Variants in MRPS27 observed in about 807,000 individuals in gnomAD.
MRPS27 encodes the protein mitochondrial ribosomal protein S27.
In MRPS27, 43 loss-of-function variants were observed where a neutral mutation model predicts 48.9. The ratio of observed to expected loss-of-function variants is 0.88; its 90% CI spans 0.69 to 1.13. MRPS27 has a LOEUF of 1.13. Among genes scored for constraint, MRPS27 ranks in the 50% most tolerant of loss-of-function variants. The pLI is 0.00. For missense variants in MRPS27, 467 were observed against 476.3 expected (o/e 0.98, Z 0.18); for synonymous variants, 188 against 171.9 (o/e 1.09, Z -0.73).
At chr5:72,316,979 A>G (rs1338121984) in intron 1 of MRPS27, among the ~76,000 whole-genome samples, 2 of 151,132 alleles carry the variant, frequency 1.3e-5, no homozygotes, top group African/African-American at 4.9e-5. Context: ...TGGTGAGCCG[A>G]GATCACGCCA....
At chr5:72,263,529 G>C (rs1749036016) in intron 4 of MRPS27, among the ~76,000 whole-genome samples, 1 of 149,912 alleles carries the variant, frequency 6.7e-6, no homozygotes, top group Non-Finnish European at 1.5e-5. Context: ...TAAAAATCTA[G>C]TATGCAGAAT....
chr5:72,262,331 G>C (rs1351377003), intron 4 of MRPS27, among the ~76,000 whole-genome samples: 1 of 152,078 alleles, frequency 6.6e-6, no homozygotes, highest in Non-Finnish European at 1.5e-5. Context: ...TGCTGCTGCT[G>C]CTATTATTTC....
At chr5:72,225,000 G>A (rs1305117582) in intron 9 of MRPS27, among the ~76,000 whole-genome samples, 1 of 152,144 alleles carries the variant, frequency 6.6e-6, no homozygotes, top group East Asian at 1.9e-4. Flanking sequence ...TGGACACATA[G>A]CACATTCTTG....
chr5:72,265,415 C>T (rs988564281), intron 4 of MRPS27, among the ~76,000 whole-genome samples: 2 of 152,026 alleles, frequency 1.3e-5, no homozygotes, highest in Non-Finnish European at 2.9e-5. Context: ...GCCCAGTTTA[C>T]AAAGGAAATA....
intron 2 of MRPS27, among the ~76,000 whole-genome samples, chr5:72,308,290 G>A (rs537111475): frequency 1.1e-3 from 163 of 152,346 alleles, no homozygotes; most frequent in African/African-American, 3.8e-3. Flanking sequence ...CTCCCCGGCA[G>A]GGCACGGCTC....
chr5:72,293,001 T>C (rs13157948), intron 4 of MRPS27, among the ~76,000 whole-genome samples: 41,048 of 152,112 alleles, frequency 0.27, 5,686 homozygotes, highest in East Asian at 0.42. Context: ...ATCATAATGA[T>C]TGAAGGCCTA....
chr5:72,295,949 C>G (rs1205240835), intron 3 of MRPS27, among the ~76,000 whole-genome samples: 3 of 152,020 alleles, frequency 2.0e-5, no homozygotes, highest in African/African-American at 7.2e-5. Context: ...TCTTTATGTT[C>G]CAAACATGGG....
intron 7 of MRPS27, among the ~76,000 whole-genome samples, chr5:72,230,388 C>T (rs1365601066): frequency 6.6e-6 from 1 of 152,224 alleles, no homozygotes; most frequent in Admixed American, 6.5e-5. Context: ...TACCTCTAAT[C>T]ATTCTACAAT....
intron 4 of MRPS27, among the ~76,000 whole-genome samples, chr5:72,277,208 A>C (rs6453532): frequency 3.9e-5 from 6 of 152,068 alleles, no homozygotes; most frequent in Non-Finnish European, 7.3e-5. Flanking sequence ...AAAAAGTGAA[A>C]AACAACAGAT....
At chr5:72,294,765 A>C (rs577547078) in intron 4 of MRPS27, 207 of 152,242 alleles carry the variant, frequency 1.4e-3, no homozygotes, top group African/African-American at 4.6e-3. Flanking sequence ...GGTACATAAC[A>C]GTTCACATCG....
chr5:72,297,585 G>T (rs1165852959), intron 3 of MRPS27, 47 bp downstream of exon 3: 2 of 1,258,222 alleles, frequency 1.6e-6, no homozygotes, highest in Admixed American at 1.9e-5. Context: ...GGCCTTTCTG[G>T]CTTTCTTCCT....
chr5:72,292,693 T>C (rs1478676068), intron 4 of MRPS27, among the ~76,000 whole-genome samples: 2 of 152,176 alleles, frequency 1.3e-5, no homozygotes, highest in South Asian at 2.1e-4. Flanking sequence ...AGACTTTACA[T>C]AATAATTGCG....
chr5:72,316,747 C>T (rs1750573579), intron 1 of MRPS27, among the ~76,000 whole-genome samples: 1 of 151,396 alleles, frequency 6.6e-6, no homozygotes, highest in Non-Finnish European at 1.5e-5. Flanking sequence ...AATAGAAAAA[C>T]AGCCAGGTGC....
chr5:72,289,885 C>T (rs979737936), intron 4 of MRPS27, among the ~76,000 whole-genome samples: 1 of 152,124 alleles, frequency 6.6e-6, no homozygotes, highest in African/African-American at 2.4e-5. Flanking sequence ...TCTAAACTAC[C>T]ATGGTCCCAA....
In MRPS27 at chr5:72,221,477, A is replaced by T. The variant is rs150383970; in HGVS notation, c.1006-329T>A. Among the ~76,000 whole-genome samples, 933 of 152,248 alleles carry T rather than the reference A, an allele frequency of 6.1e-3. 9 individuals are homozygous for T. Among genetic ancestry groups the T allele is most frequent in the Admixed American group, 9.0e-3 (137 of 15,292 alleles). ...CTTTCACTCAAAAACAGTAAATGGA[A>T]CTCCATATGCTGTGTCTCCCTGTGT... On this transcript the variant is annotated intron_variant, in intron 10 of 10. Transcript: ENST00000261413.
chr5:72,259,339 A>G (rs993828899), intron 4 of MRPS27, among the ~76,000 whole-genome samples: 2 of 151,944 alleles, frequency 1.3e-5, no homozygotes, highest in Admixed American at 6.6e-5. Flanking sequence ...ATGGTGGTGC[A>G]TGCTTGTAAT....
intron 4 of MRPS27, 81 bp from the exon 5 acceptor site, chr5:72,238,209 T>TA (rs1580060452): frequency 5.5e-6 from 5 of 906,248 alleles, no homozygotes; most frequent in Non-Finnish European, 9.0e-6. Flanking sequence ...GTCCTTCTCT[T>TA]AGATACTTAC....
Position 72,315,567 on chromosome 5 carries a change from A to G in MRPS27, c.74-1409T>C, listed in dbSNP as rs74701705. The stretch of plus-strand genomic sequence containing the variant: ...GTGAGACTCTGTTTCGAAAAAAAAA[A>G]AAAAAGAAAAAGTAAAATATATATG... On this transcript the variant is annotated intron_variant, in intron 1 of 10. Coordinates refer to ENST00000261413, the MANE Select transcript of MRPS27 (RefSeq NM_015084.3). 8.6e-3 allele frequency among the ~76,000 whole-genome samples: 1,312 copies of G among 151,966 alleles called. 27 individuals carry two copies. The highest frequency in any genetic ancestry group is 0.029 in the African/African-American group (1,192 of 41,508).
chr5:72,242,903 T>C (rs1748399776), intron 4 of MRPS27, among the ~76,000 whole-genome samples: 1 of 152,232 alleles, frequency 6.6e-6, no homozygotes, highest in Admixed American at 6.5e-5. Flanking sequence ...TGCCAGAGCC[T>C]AGAGCCCAGC....
Sources: gnomAD v4.1 joint callset for allele counts (sites outside exome capture counted in the v4.1 genomes callset) on GRCh38, gnomAD v4.1.1 for gene constraint, MANE v1.5 for transcripts, NCBI Gene and HGNC (gene_info 2026-07-23, HGNC 2026-07-21) for gene names.